Variants in GLYR1 observed in about 807,000 individuals in gnomAD.
GLYR1 encodes the protein cytokine-like nuclear factor N-PAC.
Under a neutral mutation model 72.7 loss-of-function variants are expected in GLYR1, and 21 were observed. The observed-to-expected ratio is 0.29, with a 90% CI of 0.20 to 0.42. The LOEUF is 0.42. Among genes scored for constraint, GLYR1 ranks in the 10% least tolerant of loss-of-function variants. GLYR1 has a pLI of 1.00. For missense variants in GLYR1, 594 were observed against 712.1 expected, an observed-to-expected ratio of 0.83 and a Z score of 1.89; for synonymous variants, 392 against 270.2, an observed-to-expected ratio of 1.45 and a Z score of -4.42.
At chr16:4,831,507 G>A (rs901657123) in intron 5 of GLYR1, among the ~76,000 whole-genome samples, 2 of 152,106 alleles carry the variant, frequency 1.3e-5, no homozygotes, top group Admixed American at 6.5e-5. Context: ...AGCCTCACAC[G>A]GGCTGTGCCC....
rs572346964 is a variant in GLYR1, at chr16:4,812,192, C to T, written c.1176G>A (p.Gln392=). ...TCACCAACATCCCGTCATTAGACAG[C>T]TGCTGATTCCCTGAGACGGGGGCTT... The part of the protein sequence containing the change: ...FLEAPVSGNQ[Q]LSNDGMLVIL... The change falls in exon 13 of 16, where the codon CAG becomes CAA. Residue 392 remains glutamine, a synonymous_variant. Transcript: ENST00000321919. 1.3e-5 allele frequency: 21 copies of T among 1,614,044 alleles called. No homozygotes were observed. The highest frequency in any genetic ancestry group is 1.6e-5 in the Non-Finnish European group (19 of 1,180,044).
chr16:4,819,223 G>A (rs1187369681), intron 9 of GLYR1, among the ~76,000 whole-genome samples: 1 of 152,076 alleles, frequency 6.6e-6, no homozygotes, highest in Admixed American at 6.6e-5. Context: ...ATGTTGGCTA[G>A]GCTGGTCTCG....
At chr16:4,843,725 A>C in intron 3 of GLYR1, 1 of 996,630 alleles carries the variant, frequency 1.0e-6, no homozygotes, top group Non-Finnish European at 1.3e-6. Context: ...GATTTACCAG[A>C]GAAGCCACAG....
intron 5 of GLYR1, among the ~76,000 whole-genome samples, chr16:4,824,920 C>T (rs1307471864): frequency 1.3e-5 from 2 of 152,204 alleles, no homozygotes; most frequent in South Asian, 4.1e-4. Context: ...AACGCCTGCT[C>T]CATTCTACTA....
chr16:4,807,087 T>C (rs1177560385), intron 15 of GLYR1, among the ~76,000 whole-genome samples: 2 of 148,040 alleles, frequency 1.4e-5, no homozygotes, highest in Non-Finnish European at 3.0e-5. Flanking sequence ...ATTACAGGCG[T>C]GAGCCACTGC....
At chr16:4,841,775 G>A (rs1226723774) in intron 3 of GLYR1, among the ~76,000 whole-genome samples, 1 of 152,178 alleles carries the variant, frequency 6.6e-6, no homozygotes, top group African/African-American at 2.4e-5. Flanking sequence ...AATGAAGTTT[G>A]GGCCAACCAT....
At chr16:4,824,001 T>A in intron 5 of GLYR1, 94 bp from the exon 6 acceptor site, 2 of 943,910 alleles carry the variant, frequency 2.1e-6, no homozygotes, top group Non-Finnish European at 3.4e-6. Context: ...TTCAAGCCAA[T>A]CCCCAACCAC....
At chr16:4,830,477 C>T (rs1482385290) in intron 5 of GLYR1, among the ~76,000 whole-genome samples, 1 of 152,170 alleles carries the variant, frequency 6.6e-6, no homozygotes, top group South Asian at 2.1e-4. Context: ...CTCTGAGCAC[C>T]AAGGCAGGTC....
rs17137320 is a variant in GLYR1 at position 4,845,753 on chromosome 16, G to A, written c.75+421C>T. Among the ~76,000 whole-genome samples, 897 of 152,280 alleles carry A rather than the reference G, an allele frequency of 5.9e-3. 10 individuals are homozygous for A. The highest frequency in any genetic ancestry group is 0.02 in the African/African-American group (846 of 41,552). ...TCTGGAATGCCAACTTCTGCAAAGA[G>A]GCACTGGAGTAGCACATATGGTAAC... On this transcript the variant is annotated intron_variant, in intron 2 of 15. Coordinates refer to ENST00000321919, the MANE Select transcript of GLYR1 (RefSeq NM_032569.4).
At chr16:4,845,201 C>T (rs1439240389) in intron 2 of GLYR1, 48 bp from the exon 3 acceptor site, 3 of 1,333,670 alleles carry the variant, frequency 2.2e-6, no homozygotes, top group Non-Finnish European at 3.2e-6. Flanking sequence ...CACAGCAGCC[C>T]ACTTTCTAGT....
Position 4,812,254 on chromosome 16 carries a change from A to G in GLYR1, c.1120-6T>C. 1 of 1,610,992 alleles carries G rather than the reference A, an allele frequency of 6.2e-7. No homozygotes were observed. Among genetic ancestry groups the G allele is most frequent in the South Asian group, 1.1e-5 (1 of 90,984 alleles). On this transcript the variant is annotated splice_region_variant and splice_polypyrimidine_tract_variant and intron_variant, in intron 12 of 15. Coordinates refer to ENST00000321919, the MANE Select transcript of GLYR1 (RefSeq NM_032569.4). ...CCCCCCCTGGACACAATCACCTGGA[A>G]AGAAAAGTCACAGCTTCTGGAGGCC...
At chr16:4,827,185 G>T (rs1037452756) in intron 5 of GLYR1, among the ~76,000 whole-genome samples, 6 of 152,230 alleles carry the variant, frequency 3.9e-5, no homozygotes, top group Non-Finnish European at 7.3e-5. Context: ...TCCCGGAATG[G>T]CACTCAGCTG....
intron 3 of GLYR1, among the ~76,000 whole-genome samples, chr16:4,837,223 G>A (rs2085196813): frequency 6.6e-6 from 1 of 152,176 alleles, no homozygotes; most frequent in Non-Finnish European, 1.5e-5. Context: ...ATTGAGGCCA[G>A]GAATTCGACA....
At chr16:4,839,070 G>T (rs545113345) in intron 3 of GLYR1, among the ~76,000 whole-genome samples, 5 of 152,086 alleles carry the variant, frequency 3.3e-5, no homozygotes, top group Non-Finnish European at 7.4e-5. Flanking sequence ...CTGTGTTTCA[G>T]CCTTCGGATA....
chr16:4,845,207 C>G, intron 2 of GLYR1, 54 bp from the exon 3 acceptor site: 2 of 1,209,502 alleles, frequency 1.7e-6, no homozygotes, highest in East Asian at 4.6e-5. Context: ...AGCCCACTTT[C>G]TAGTGGCTCC....
In GLYR1 at chr16:4,812,177, C is replaced by T; in HGVS notation, c.1191G>A (p.Gly397=). 3.1e-6 allele frequency: 5 copies of T among 1,614,182 alleles called. No homozygotes were observed. Among genetic ancestry groups the T allele is most frequent in the Non-Finnish European group, 4.2e-6 (5 of 1,180,036 alleles). The change falls in exon 13 of 16, where the codon GGG becomes GGA. Residue 397 remains glycine (G), a synonymous_variant. Coordinates refer to ENST00000321919, the MANE Select transcript of GLYR1 (RefSeq NM_032569.4). Reference sequence around the variant, plus strand: ...CTCCAGCCGCTAAGATCACCAACATCCCGTCATTAGACAGCTGCTGATTCC... The same window carrying T: ...CTCCAGCCGCTAAGATCACCAACATTCCGTCATTAGACAGCTGCTGATTCC... The part of the protein sequence containing the change: ...VSGNQQLSND[G]MLVILAAGDR...
At position 4,823,010 on chromosome 16, in the gene GLYR1, C is replaced by T. The variant is rs1239488339; in HGVS notation, c.625-79G>A. 4 of 1,147,140 alleles carry T rather than the reference C, an allele frequency of 3.5e-6. No individual in the cohort carries two copies. The Admixed American group carries it at 6.8e-5, about 19-fold the overall frequency. 71.1% of individuals were successfully genotyped at this position (1,147,140 alleles called of 1,614,324 possible). On this transcript the variant is annotated intron_variant, in intron 6 of 15. Coordinates refer to ENST00000321919, the MANE Select transcript of GLYR1 (RefSeq NM_032569.4). The stretch of plus-strand genomic sequence containing the variant: ...TCCTTCTCCCTGGTAACTGGACTCT[C>T]CTCTGGCTGCAACACCTCTGGATTC...
chr16:4,844,588 T>C (rs540468697), intron 3 of GLYR1, among the ~76,000 whole-genome samples: 3 of 152,168 alleles, frequency 2.0e-5, no homozygotes, highest in South Asian at 2.1e-4. Flanking sequence ...CTGGGCAACA[T>C]GGTAAAACCC....
chr16:4,806,613 G>C (rs561843551), intron 15 of GLYR1, among the ~76,000 whole-genome samples: 1 of 148,484 alleles, frequency 6.7e-6, no homozygotes, highest in African/African-American at 2.6e-5. Flanking sequence ...CTTAAGCCTC[G>C]ACCCTGCCTC....
Sources: allele counts gnomAD v4.1 joint callset (sites outside exome capture counted in the v4.1 genomes callset), GRCh38; gene constraint gnomAD v4.1.1; transcripts MANE v1.5; gene names NCBI Gene and HGNC (gene_info 2026-07-23, HGNC 2026-07-21).